The following ELAVL2 variants were observed in gnomAD, a reference collection of about 807,000 sequenced individuals.
ELAVL2 encodes the protein ELAV-like protein 2.
ELAVL2 carries 4 observed loss-of-function variants against 34.6 expected under a neutral mutation model. That is an observed-to-expected ratio of 0.12 (90% CI 0.06 to 0.26). ELAVL2 has a LOEUF of 0.26. Ranked by LOEUF, ELAVL2 falls within the 10% of genes least tolerant of loss-of-function variation. The pLI is 1.00. For synonymous variants in ELAVL2, 193 were observed against 154.8 expected (o/e 1.25, Z -1.83); for missense variants, 432 against 442.8 (o/e 0.98, Z 0.22).
chr9:23,722,103 C>A (rs527489768), intron 3 of ELAVL2, among the ~76,000 whole-genome samples: 1 of 152,120 alleles, frequency 6.6e-6, no homozygotes, highest in South Asian at 2.1e-4. Context: ...GTAGTACATG[C>A]GGGTGAGAAC....
the ELAVL2 span, among the ~76,000 whole-genome samples, chr9:23,833,607 A>T: frequency 1.3e-5 from 2 of 151,896 alleles, no homozygotes; most frequent in Non-Finnish European, 2.9e-5. Context: ...AAATTAGTAT[A>T]AAAATAATCT....
chr9:23,820,885 C>A (rs1042159811), intron 1 of ELAVL2, among the ~76,000 whole-genome samples: 3 of 152,200 alleles, frequency 2.0e-5, no homozygotes, highest in African/African-American at 7.2e-5. Flanking sequence ...GCGCGCAAAC[C>A]CGAGATGTGA....
At chr9:23,752,959 T>C (rs2052526586) in intron 2 of ELAVL2, among the ~76,000 whole-genome samples, 1 of 152,194 alleles carries the variant, frequency 6.6e-6, no homozygotes, top group Non-Finnish European at 1.5e-5. Context: ...TCACAACACT[T>C]AGAGCAGCAA....
the ELAVL2 span, among the ~76,000 whole-genome samples, chr9:23,832,685 A>G: frequency 6.6e-6 from 1 of 152,174 alleles, no homozygotes; most frequent in African/African-American, 2.4e-5. Context: ...ACATTTATAA[A>G]AAGTTACCTT....
intron 1 of ELAVL2, among the ~76,000 whole-genome samples, chr9:23,808,148 T>C (rs1311696527): frequency 6.6e-6 from 1 of 152,110 alleles, no homozygotes; most frequent in East Asian, 1.9e-4. Flanking sequence ...AACTAGTCTG[T>C]TTTTATGTAC....
chr9:23,776,868 A>C (rs1008833931), intron 1 of ELAVL2, among the ~76,000 whole-genome samples: 2 of 152,192 alleles, frequency 1.3e-5, no homozygotes, highest in African/African-American at 4.8e-5. Context: ...CCAGTGTTTA[A>C]AGTGCTAAAC....
At chr9:23,774,172 C>A (rs2057795190) in intron 1 of ELAVL2, among the ~76,000 whole-genome samples, 1 of 134,074 alleles carries the variant, frequency 7.5e-6, no homozygotes, top group Non-Finnish European at 1.5e-5. Context: ...GATCGCACCA[C>A]TGCACCCCAA....
At chr9:23,750,099 A>C (rs1009765038) in intron 2 of ELAVL2, among the ~76,000 whole-genome samples, 1 of 152,036 alleles carries the variant, frequency 6.6e-6, no homozygotes, top group Non-Finnish European at 1.5e-5. Context: ...AATATTAGAC[A>C]TCCTCCTTAC....
At chr9:23,710,192 A>G (rs1036118214) in intron 3 of ELAVL2, among the ~76,000 whole-genome samples, 3 of 152,234 alleles carry the variant, frequency 2.0e-5, no homozygotes, top group South Asian at 2.1e-4. Flanking sequence ...TTAAAAGCTC[A>G]TTTCTTCATC....
chr9:23,721,493 C>A (rs2043703716), intron 3 of ELAVL2, among the ~76,000 whole-genome samples: 2 of 152,130 alleles, frequency 1.3e-5, no homozygotes, highest in South Asian at 4.1e-4. Context: ...ATCAAGAAAC[C>A]AAGAACAGAA....
chr9:23,786,230 G>C (rs997408489), intron 1 of ELAVL2, among the ~76,000 whole-genome samples: 1 of 152,118 alleles, frequency 6.6e-6, no homozygotes, highest in Non-Finnish European at 1.5e-5. Context: ...TACCAGGAAA[G>C]TCAAGGAGAA....
chr9:23,715,423 C>G (rs1364761224), intron 3 of ELAVL2, among the ~76,000 whole-genome samples: 3 of 152,350 alleles, frequency 2.0e-5, no homozygotes, highest in South Asian at 4.1e-4. Context: ...GCTGGGATTA[C>G]AGGCGTGAGC....
chr9:23,810,851 C>T (rs760514999), intron 1 of ELAVL2, among the ~76,000 whole-genome samples: 15 of 152,136 alleles, frequency 9.9e-5, no homozygotes, highest in African/African-American at 2.9e-4. Context: ...GGAAATGCTC[C>T]GTGTCTCCTG....
upstream of ELAVL2, among the ~76,000 whole-genome samples, chr9:23,826,750 T>C (rs1318283246): frequency 6.6e-6 from 1 of 152,194 alleles, no homozygotes; most frequent in Non-Finnish European, 1.5e-5. Context: ...CTGTCCGGTA[T>C]GTATGAGTCA....
intron 1 of ELAVL2, among the ~76,000 whole-genome samples, chr9:23,793,646 G>C (rs2383292): frequency 0.022 from 3,419 of 152,128 alleles, 207 homozygotes; most frequent in Admixed American, 0.12. Flanking sequence ...CCTGAGCTTC[G>C]TAACCTATAC....
chr9:23,735,891 A>C (rs1212067599), intron 2 of ELAVL2, among the ~76,000 whole-genome samples: 7 of 152,154 alleles, frequency 4.6e-5, no homozygotes, highest in African/African-American at 1.7e-4. Flanking sequence ...AAGGAGAGGA[A>C]AACAGGAAGA....
Position 23,787,308 on chromosome 9 carries a change from G to A in ELAVL2, c.-15-25059C>T, listed in dbSNP as rs187734387. On this transcript the variant is annotated intron_variant, in intron 1 of 6. Coordinates refer to ENST00000397312, the MANE Select transcript of ELAVL2 (RefSeq NM_004432.5). ...GAGTTTCGCTCTTGTCTCCCAGGCT[G>A]GAGTGCAATGGCATGATCTTAGCTC... 8.8e-4 allele frequency among the ~76,000 whole-genome samples: 132 copies of A among 150,248 alleles called. No homozygotes were observed. In the Middle Eastern group the frequency reaches 0.01, roughly 12 times the overall value.
intron 1 of ELAVL2, among the ~76,000 whole-genome samples, chr9:23,825,456 G>GC (rs568078282): frequency 4.6e-4 from 70 of 152,076 alleles, no homozygotes; most frequent in Non-Finnish European, 9.4e-4. Context: ...CAAAGTAGAG[G>GC]CATGCATCCC....
chr9:23,788,248 T>C (rs2059930370), intron 1 of ELAVL2, among the ~76,000 whole-genome samples: 1 of 152,192 alleles, frequency 6.6e-6, no homozygotes, highest in African/African-American at 2.4e-5. Flanking sequence ...AGCAATCGGA[T>C]ATAGCCTAGT....
Sources: gnomAD v4.1 joint callset for allele counts (sites outside exome capture counted in the v4.1 genomes callset) on GRCh38, gnomAD v4.1.1 for gene constraint, MANE v1.5 for transcripts, NCBI Gene and HGNC (gene_info 2026-07-23, HGNC 2026-07-21) for gene names.